The following RALGAPA2 variants were observed in gnomAD, a reference collection of about 807,000 sequenced individuals.
RALGAPA2 encodes the protein Ral GTPase activating protein catalytic subunit alpha 2, also known as ral GTPase-activating protein subunit alpha-2.
In RALGAPA2, 139 loss-of-function variants were observed where a neutral mutation model predicts 230.4. The ratio of observed to expected loss-of-function variants is 0.60; its 90% CI spans 0.53 to 0.69. RALGAPA2 has a LOEUF of 0.69. Among genes scored for constraint, RALGAPA2 ranks in the 30% least tolerant of loss-of-function variants. The pLI, the probability that RALGAPA2 is intolerant of heterozygous loss-of-function variation, is 0.00. For synonymous variants in RALGAPA2, 847 were observed against 837.8 expected (o/e 1.01, Z -0.19); for missense variants, 2,163 against 2,276.0 (o/e 0.95, Z 1.01).
At chr20:20,525,839 C>G (rs958711582) in intron 28 of RALGAPA2, among the ~76,000 whole-genome samples, 3 of 152,200 alleles carry the variant, frequency 2.0e-5, no homozygotes, top group Non-Finnish European at 4.4e-5. Flanking sequence ...CATGCTAGGG[C>G]AGAAAGTGTG....
intron 9 of RALGAPA2, among the ~76,000 whole-genome samples, chr20:20,632,337 G>T (rs2066705084): frequency 6.6e-6 from 1 of 151,936 alleles, no homozygotes; most frequent in African/African-American, 2.4e-5. Flanking sequence ...GCCCCTAATT[G>T]ATTCCAAAGT....
At chr20:20,411,505 G>A (rs1164302081) in intron 38 of RALGAPA2, among the ~76,000 whole-genome samples, 5 of 152,128 alleles carry the variant, frequency 3.3e-5, no homozygotes, top group Admixed American at 3.3e-4. Flanking sequence ...TCCGGTCGGC[G>A]GCTTGTCCAC....
chr20:20,677,849 T>C (rs1418861642), intron 2 of RALGAPA2, among the ~76,000 whole-genome samples: 1 of 151,696 alleles, frequency 6.6e-6, no homozygotes, highest in Non-Finnish European at 1.5e-5. Flanking sequence ...GGTGTCACCA[T>C]GTTAACCAGG....
At chr20:20,636,165 G>A (rs574316275) in intron 8 of RALGAPA2, among the ~76,000 whole-genome samples, 111 of 152,082 alleles carry the variant, frequency 7.3e-4, no homozygotes, top group Middle Eastern at 3.4e-3. Flanking sequence ...CACCTTTGAG[G>A]CATCAAATGC....
At chr20:20,585,859 T>G (rs915324305) in intron 18 of RALGAPA2, among the ~76,000 whole-genome samples, 1 of 151,462 alleles carries the variant, frequency 6.6e-6, no homozygotes, top group African/African-American at 2.4e-5. Context: ...GGGAACAAGA[T>G]GTAGAGTTAA....
intron 37 of RALGAPA2, among the ~76,000 whole-genome samples, chr20:20,450,058 G>A (rs966995685): frequency 1.2e-4 from 18 of 152,108 alleles, no homozygotes; most frequent in African/African-American, 4.1e-4. Flanking sequence ...ATTATACATG[G>A]CCTTTATGTA....
At chr20:20,589,089 C>T (rs1037460626) in intron 18 of RALGAPA2, among the ~76,000 whole-genome samples, 179 bp downstream of exon 18, 1 of 152,094 alleles carries the variant, frequency 6.6e-6, no homozygotes, top group Admixed American at 6.5e-5. Flanking sequence ...TGTAATGTGA[C>T]TGTAATTTTA....
intron 39 of RALGAPA2, among the ~76,000 whole-genome samples, chr20:20,396,376 G>C (rs925627260): frequency 3.3e-5 from 5 of 152,254 alleles, no homozygotes; most frequent in Admixed American, 2.6e-4. Context: ...CAACAAAAAA[G>C]GGGGCGGCCC....
intron 39 of RALGAPA2, among the ~76,000 whole-genome samples, chr20:20,395,362 C>T (rs2059690181): frequency 6.6e-6 from 1 of 152,252 alleles, no homozygotes; most frequent in East Asian, 1.9e-4. Flanking sequence ...GGCCGCCTTC[C>T]TGATATGACA....
chr20:20,637,915 A>C (rs905239277), intron 7 of RALGAPA2, among the ~76,000 whole-genome samples: 1 of 152,256 alleles, frequency 6.6e-6, no homozygotes, highest in African/African-American at 2.4e-5. Context: ...TAAAGAAACA[A>C]TCCCTCTCAA....
chr20:20,556,405 A>G (rs1344174227), intron 23 of RALGAPA2, among the ~76,000 whole-genome samples: 3 of 152,228 alleles, frequency 2.0e-5, no homozygotes, highest in Non-Finnish European at 1.5e-5. Flanking sequence ...TGGCACATTT[A>G]TAATTCCATA....
intron 23 of RALGAPA2, among the ~76,000 whole-genome samples, chr20:20,567,647 G>T (rs866057364): frequency 6.6e-6 from 1 of 152,050 alleles, no homozygotes; most frequent in Non-Finnish European, 1.5e-5. Flanking sequence ...TTTAGCCTGT[G>T]GCACTGGGCA....
In RALGAPA2 at chr20:20,531,571, G is replaced by A. The variant is rs2063367839; in HGVS notation, c.3582+116C>T. On this transcript the variant is annotated intron_variant, in intron 27 of 39. Coordinates refer to ENST00000202677, the MANE Select transcript of RALGAPA2 (RefSeq NM_020343.4). ...GGGAGCCTCACAGCACATGCAATGG[G>A]AATCACAATCCCTCTGTCATTTGGG... is the stretch of plus-strand genomic sequence containing the variant. The A allele has an allele frequency of 3.3e-6, 3 of 914,566 alleles. No individual in the cohort carries two copies. In the South Asian group the frequency reaches 4.6e-5, roughly 14 times the overall value. 56.7% of individuals were successfully genotyped at this position (914,566 alleles called of 1,614,324 possible).
At chr20:20,641,915 TACACTAGGACAG>T (rs1340080190) in intron 5 of RALGAPA2, among the ~76,000 whole-genome samples, 1 of 151,374 alleles carries the variant, frequency 6.6e-6, no homozygotes, top group Non-Finnish European at 1.5e-5. Context: ...GAAGCCAAAA[TACACTAGGACAG>T]ACACCCCAGC....
chr20:20,471,735 G>A (rs2061546645), intron 37 of RALGAPA2: 1 of 152,114 alleles, frequency 6.6e-6, no homozygotes, highest in Admixed American at 6.5e-5. Flanking sequence ...CCAGGGGAGG[G>A]ACCAGATGGG....
At position 20,712,500 on chromosome 20, in the gene RALGAPA2, G is replaced by A. The variant is rs1265395119; in HGVS notation, c.-20C>T. On this transcript the variant is annotated 5_prime_UTR_variant, in exon 1 of 40. Transcript: ENST00000202677. The surrounding 1 kb of genome is among the most constrained non-coding windows in gnomAD (Gnocchi z 5.5). Reference sequence around the variant, plus strand: ...GAACATCCCGCGGCAGGAAGCCCGGGCCCCGCCGGCGGGGCAGTAGGCGCC... The same window carrying A: ...GAACATCCCGCGGCAGGAAGCCCGGACCCCGCCGGCGGGGCAGTAGGCGCC... 2.6e-6 allele frequency: 4 copies of A among 1,540,336 alleles called. No homozygotes were observed. The highest frequency in any genetic ancestry group is 1.7e-4 in the Middle Eastern group (1 of 5,892).
chr20:20,548,749 C>G (rs1272031985), intron 23 of RALGAPA2, among the ~76,000 whole-genome samples: 2 of 152,138 alleles, frequency 1.3e-5, no homozygotes, highest in Non-Finnish European at 2.9e-5. Flanking sequence ...AACAAAAGAT[C>G]CACCTTTTTC....
At chr20:20,598,668 T>C (rs542556997) in intron 16 of RALGAPA2, 118 of 455,180 alleles carry the variant, frequency 2.6e-4, no homozygotes, top group Middle Eastern at 9.9e-4. Flanking sequence ...CATGAGACAG[T>C]ATTACAGTAC....
In RALGAPA2 at chr20:20,712,284, T is replaced by G; in HGVS notation, c.106+91A>C. The G allele has an allele frequency of 1.5e-5, 7 of 462,606 alleles. No individual in the cohort carries two copies. Among genetic ancestry groups the G allele is most frequent in the Non-Finnish European group, 2.5e-5 (7 of 277,126 alleles). The allele number at this position is 462,606 out of a possible 1,614,324, so 28.7% of individuals were successfully genotyped here. A position where few individuals can be genotyped will look rare whatever the true frequency, so the allele number is the denominator to read the frequency against. On this transcript the variant is annotated intron_variant, in intron 1 of 39. Transcript: ENST00000202677. The surrounding 1 kb of genome is among the most constrained non-coding windows in gnomAD (Gnocchi z 5.5). Reference sequence around the variant, plus strand: ...CGCCCACCCATCCCCCTCCCCAGCCTCCCAGCCACCGACCCCTGCACAGAG... The same window carrying G: ...CGCCCACCCATCCCCCTCCCCAGCCGCCCAGCCACCGACCCCTGCACAGAG...
Sources: allele counts gnomAD v4.1 joint callset (sites outside exome capture counted in the v4.1 genomes callset), GRCh38; gene constraint gnomAD v4.1.1; non-coding constraint Gnocchi (gnomAD v3.1); transcripts MANE v1.5; gene names NCBI Gene and HGNC (gene_info 2026-07-23, HGNC 2026-07-21).